The following MCM5 variants were observed in gnomAD, a reference collection of about 807,000 sequenced individuals.
MCM5 encodes DNA replication licensing factor MCM5.
In MCM5, 46 loss-of-function variants were observed where a neutral mutation model predicts 79.9. That is an observed-to-expected ratio of 0.58 (90% CI 0.45 to 0.74). MCM5 has a LOEUF of 0.74. Among genes scored for constraint, MCM5 ranks in the 30% least tolerant of loss-of-function variants. The pLI, the probability that MCM5 is intolerant of heterozygous loss-of-function variation, is 0.00. For synonymous variants in MCM5, 404 were observed against 390.5 expected (o/e 1.03, Z -0.41); for missense variants, 883 against 1,017.0 (o/e 0.87, Z 1.79).
intron 4 of MCM5, among the ~76,000 whole-genome samples, chr22:35,405,237 C>T (rs4645754): frequency 0.011 from 1,724 of 152,030 alleles, 50 homozygotes; most frequent in African/African-American, 0.04. Flanking sequence ...AGGCTGGTCT[C>T]GAACTCCTGA....
intron 7 of MCM5, among the ~76,000 whole-genome samples, chr22:35,411,748 T>G (rs1178940115): frequency 6.6e-6 from 1 of 152,182 alleles, no homozygotes; most frequent in Admixed American, 6.5e-5. Flanking sequence ...TTAAAACCAC[T>G]GACAGGTAAG....
chr22:35,402,445 G>T (rs1272878866), intron 2 of MCM5, among the ~76,000 whole-genome samples: 7 of 151,406 alleles, frequency 4.6e-5, no homozygotes, highest in Non-Finnish European at 8.8e-5. Flanking sequence ...TCCTGCCTCA[G>T]TCCCCCAAGT....
chr22:35,436,945 G>C, the MCM5 span, among the ~76,000 whole-genome samples: 1 of 81,796 alleles, frequency 1.2e-5, no homozygotes, highest in Non-Finnish European at 3.6e-5. Context: ...AAGCCAGATG[G>C]AGAGGGGTCC....
Position 35,410,488 on chromosome 22 carries a change from T to A in MCM5, c.753-256T>A, listed in dbSNP as rs1932346368. The stretch of plus-strand genomic sequence containing the variant: ...AATGAGTTAGCGAGTTCAGCGAGAG[T>A]CAGGCCACCACCTGCCTTTCTGTTT... On this transcript the variant is annotated intron_variant, in intron 6 of 16. Coordinates refer to ENST00000216122, the MANE Select transcript of MCM5 (RefSeq NM_006739.4). 3 of 455,248 alleles carry A rather than the reference T, an allele frequency of 6.6e-6. No homozygotes were observed. In the Admixed American group the frequency reaches 9.9e-5, roughly 15 times the overall value. The allele number at this position is 455,248 out of a possible 1,614,324, so 28.2% of individuals were successfully genotyped here. A position where few individuals can be genotyped will look rare whatever the true frequency, so the allele number is the denominator to read the frequency against.
At chr22:35,416,463 T>C in intron 11 of MCM5, 59 bp downstream of exon 11, 1 of 1,569,878 alleles carries the variant, frequency 6.4e-7, no homozygotes, top group Non-Finnish European at 8.7e-7. Flanking sequence ...CCAACCGTCC[T>C]CAGGCTGCCC....
the MCM5 span, among the ~76,000 whole-genome samples, chr22:35,440,641 C>T: frequency 2.8e-4 from 42 of 152,310 alleles, no homozygotes; most frequent in East Asian, 7.5e-3. Context: ...CTCCATTTGA[C>T]CCTAATCCTG....
chr22:35,427,557 T>C (rs939091384), downstream of MCM5, among the ~76,000 whole-genome samples: 1 of 152,076 alleles, frequency 6.6e-6, no homozygotes, highest in Non-Finnish European at 1.5e-5. Flanking sequence ...TTCCCTTTTT[T>C]AATTTATTAT....
chr22:35,400,224 G>C lies in MCM5; in HGVS notation c.-9+16G>C, dbSNP rs1555902682. ...AAAACCAGAGGTGAGGCTAGTGGGAGTGGGACTGGGACTGGGAGCCAGCAG... is the reference window on the plus strand; with the variant it reads ...AAAACCAGAGGTGAGGCTAGTGGGACTGGGACTGGGACTGGGAGCCAGCAG... On this transcript the variant is annotated intron_variant, in intron 1 of 16. Transcript: ENST00000216122. 3.4e-6 allele frequency: 2 copies of C among 585,494 alleles called. No homozygotes were observed. The highest frequency in any genetic ancestry group is 1.9e-5 in the African/African-American group (1 of 53,434). 36.3% of individuals were successfully genotyped at this position (585,494 alleles called of 1,614,324 possible).
chr22:35,437,798 G>A, the MCM5 span, among the ~76,000 whole-genome samples: 10 of 152,252 alleles, frequency 6.6e-5, no homozygotes, highest in African/African-American at 2.4e-4. Flanking sequence ...AACTGATGCT[G>A]GTTTAATGGG....
At chr22:35,420,141 A>G in intron 14 of MCM5, 129 bp downstream of exon 14, 1 of 1,127,230 alleles carries the variant, frequency 8.9e-7, no homozygotes. Context: ...CTGGGCAGGA[A>G]GAGTCCCTTT....
rs1029161696 is a variant in MCM5, at chr22:35,403,508, C to T, written c.389C>T (p.Ser130Leu). Residue 130 changes from serine to leucine, a missense_variant, in exon 4 of 17, where the codon TCG becomes TTG. Around this residue, in one of 3 missense-constraint regions of MCM5, gnomAD observed 455 missense variants for 517.5 expected, o/e 0.88. Transcript: ENST00000216122. ...VLQDIQVMLK[S>L]DASPSSIRSL... ...CAGGACATCCAGGTCATGCTCAAGT[C>T]GGACGCCAGCCCTTCCAGCATTCGT... 3.1e-6 allele frequency: 5 copies of T among 1,614,092 alleles called. No individual in the cohort carries two copies. Among genetic ancestry groups the T allele is most frequent in the East Asian group, 2.2e-5 (1 of 44,880 alleles).
At chr22:35,443,804 G>T in the MCM5 span, among the ~76,000 whole-genome samples, 1 of 152,190 alleles carries the variant, frequency 6.6e-6, no homozygotes, top group Non-Finnish European at 1.5e-5. Context: ...CACTGCATGT[G>T]AATTCCTCCT....
At chr22:35,423,836 T>C (rs1932751623) in intron 16 of MCM5, 1 of 289,418 alleles carries the variant, frequency 3.5e-6, no homozygotes, top group South Asian at 1.1e-4. Flanking sequence ...CTCATTTTGA[T>C]TCAGGGCAGT....
At chr22:35,418,978 CA>C (rs1438265455) in intron 13 of MCM5, among the ~76,000 whole-genome samples, 1 of 152,174 alleles carries the variant, frequency 6.6e-6, no homozygotes, top group Non-Finnish European at 1.5e-5. Flanking sequence ...TCTTGTCGTA[CA>C]GCGCTTTGGT....
intron 5 of MCM5, 93 bp from the exon 6 acceptor site, chr22:35,408,315 G>A: frequency 8.0e-7 from 1 of 1,257,448 alleles, no homozygotes; most frequent in Non-Finnish European, 1.1e-6. Context: ...AATTGCCGCT[G>A]GCAACGTCTC....
intron 6 of MCM5, chr22:35,410,498 ACCT>A (rs1429031395): frequency 2.1e-6 from 1 of 481,492 alleles, no homozygotes; most frequent in African/African-American, 2.0e-5. Flanking sequence ...TCAGGCCACC[ACCT>A]GCCTTTCTGT....
downstream of MCM5, among the ~76,000 whole-genome samples, chr22:35,428,064 A>C (rs1468442722): frequency 7.0e-6 from 1 of 142,902 alleles, no homozygotes; most frequent in Admixed American, 7.1e-5. Context: ...TCTGTTGTCC[A>C]GGCTGGAGTG....
At chr22:35,453,819 T>TAG in the MCM5 span, among the ~76,000 whole-genome samples, 499 of 81,510 alleles carry the variant, frequency 6.1e-3, 5 homozygotes, top group South Asian at 0.017. Flanking sequence ...TATATATATA[T>TAG]AGAGAGAGAG....
chr22:35,431,669 A>T, the MCM5 span, among the ~76,000 whole-genome samples: 1 of 152,238 alleles, frequency 6.6e-6, no homozygotes, highest in African/African-American at 2.4e-5. Context: ...AGCTTCTAGC[A>T]CGCAGCCCTA....
Sources: gnomAD v4.1 joint callset for allele counts (sites outside exome capture counted in the v4.1 genomes callset) on GRCh38, gnomAD v4.1.1 for gene constraint, gnomAD v4.1.1 regional missense constraint, MANE v1.5 for transcripts, NCBI Gene and HGNC (gene_info 2026-07-23, HGNC 2026-07-21) for gene names.